RTN4RL1: variants seen among roughly 807,000 people sequenced by gnomAD.
RTN4RL1 encodes reticulon 4 receptor like 1, also known as reticulon-4 receptor-like 1.
In RTN4RL1, 7 loss-of-function variants were observed where a neutral mutation model predicts 25.6. That is an observed-to-expected ratio of 0.27 (90% confidence interval 0.16 to 0.51). The LOEUF (loss-of-function observed/expected upper bound fraction) is 0.51, where lower values mean the gene tolerates loss of function less well. Among genes scored for constraint, RTN4RL1 ranks in the 20% least tolerant of loss-of-function variants. The pLI, the probability that RTN4RL1 is intolerant of heterozygous loss-of-function variation, is 0.97. For missense variants in RTN4RL1, 500 were observed against 615.6 expected (o/e 0.81, Z 1.99); for synonymous variants, 297 against 288.2 (o/e 1.03, Z -0.31).
At chr17:1,972,828 T>C (rs1310079462) in intron 1 of RTN4RL1, among the ~76,000 whole-genome samples, 1 of 152,208 alleles carries the variant, frequency 6.6e-6, no homozygotes, top group Non-Finnish European at 1.5e-5. Flanking sequence ...TGTTGTTTCC[T>C]GAATCCTCAA....
intron 1 of RTN4RL1, among the ~76,000 whole-genome samples, chr17:1,944,401 C>T (rs1232727788): frequency 6.6e-6 from 1 of 152,190 alleles, no homozygotes; most frequent in African/African-American, 2.4e-5. Flanking sequence ...CTCCTCCACT[C>T]GCATATAATC....
At chr17:1,962,515 C>T (rs2066769414) in intron 1 of RTN4RL1, among the ~76,000 whole-genome samples, 1 of 151,892 alleles carries the variant, frequency 6.6e-6, no homozygotes, top group Non-Finnish European at 1.5e-5. Flanking sequence ...CTCGCCATCA[C>T]GCCTGGTGTA....
chr17:1,976,304 G>T lies in RTN4RL1; in HGVS notation c.14-38496C>A, dbSNP rs548002604. ...AGAAGGTCAAGGTTCCAGAGACCAG[G>T]CTCCTCTCTGAAGAGGTGTCGGCCC... On this transcript the variant is annotated intron_variant, in intron 1 of 1. Coordinates refer to ENST00000331238, the MANE Select transcript of RTN4RL1 (RefSeq NM_178568.4). 9.8e-5 allele frequency among the ~76,000 whole-genome samples: 15 copies of T among 152,366 alleles called. No homozygotes were observed. In the East Asian group the frequency reaches 2.5e-3, roughly 25 times the overall value.
At chr17:1,942,036 C>A (rs370160545) in intron 1 of RTN4RL1, among the ~76,000 whole-genome samples, 2 of 152,166 alleles carry the variant, frequency 1.3e-5, no homozygotes, top group African/African-American at 2.4e-5. Context: ...AGACTCTCTC[C>A]GGAGGAGCCC....
At chr17:2,021,535 TA>T (rs1024680216) in intron 1 of RTN4RL1, among the ~76,000 whole-genome samples, 8 of 149,230 alleles carry the variant, frequency 5.4e-5, no homozygotes, top group African/African-American at 9.8e-5. Flanking sequence ...AAGAACTATT[TA>T]AACACATCCT....
intron 1 of RTN4RL1, among the ~76,000 whole-genome samples, chr17:1,966,305 G>A (rs2066791112): frequency 6.6e-6 from 1 of 152,214 alleles, no homozygotes; most frequent in Non-Finnish European, 1.5e-5. Flanking sequence ...GCTGTTACCT[G>A]GGGAGGCCCT....
intron 1 of RTN4RL1, among the ~76,000 whole-genome samples, chr17:1,991,359 G>C (rs2066907553): frequency 6.7e-6 from 1 of 149,206 alleles, no homozygotes; most frequent in South Asian, 2.1e-4. Context: ...AAGGTGGACT[G>C]AGAAGCCAGA....
At chr17:1,980,175 C>T (rs1378809947) in intron 1 of RTN4RL1, among the ~76,000 whole-genome samples, 1 of 148,878 alleles carries the variant, frequency 6.7e-6, no homozygotes, top group Non-Finnish European at 1.5e-5. Flanking sequence ...GTGATCCTCC[C>T]ACCTCAGCCT....
intron 1 of RTN4RL1, among the ~76,000 whole-genome samples, chr17:1,958,269 G>T (rs1308414242): frequency 4.6e-5 from 7 of 152,280 alleles, no homozygotes; most frequent in African/African-American, 1.7e-4. Flanking sequence ...AGATTGCCGT[G>T]GCATCCGACC....
chr17:1,986,979 T>C (rs2066890115), intron 1 of RTN4RL1, among the ~76,000 whole-genome samples: 1 of 152,046 alleles, frequency 6.6e-6, no homozygotes, highest in Non-Finnish European at 1.5e-5. Context: ...ATGAGGGGGC[T>C]GGACAAGATA....
At chr17:1,975,995 CAA>C (rs1193424418) in intron 1 of RTN4RL1, among the ~76,000 whole-genome samples, 1 of 152,200 alleles carries the variant, frequency 6.6e-6, no homozygotes, top group Non-Finnish European at 1.5e-5. Flanking sequence ...GTCTTTAAGG[CAA>C]TTTTCTTGAA....
intron 1 of RTN4RL1, among the ~76,000 whole-genome samples, chr17:2,000,445 C>T (rs561975209): frequency 2.0e-5 from 3 of 152,158 alleles, no homozygotes; most frequent in East Asian, 3.9e-4. Context: ...TGGGTTCTAG[C>T]GATTCTCAAG....
intron 1 of RTN4RL1, among the ~76,000 whole-genome samples, chr17:1,971,231 T>C (rs992924565): frequency 2.6e-5 from 4 of 152,162 alleles, no homozygotes; most frequent in Non-Finnish European, 4.4e-5. Flanking sequence ...TTATACGTGT[T>C]TGACAGTTCC....
chr17:1,999,169 C>T (rs1290991407), intron 1 of RTN4RL1, among the ~76,000 whole-genome samples: 6 of 148,166 alleles, frequency 4.0e-5, no homozygotes, highest in Non-Finnish European at 7.4e-5. Context: ...ACACACCGGC[C>T]GGGCGCGGTG....
intron 1 of RTN4RL1, among the ~76,000 whole-genome samples, chr17:2,010,533 C>CA (rs994468506): frequency 7.9e-5 from 12 of 151,028 alleles, no homozygotes; most frequent in Admixed American, 4.0e-4. Flanking sequence ...ATGTAAGCTC[C>CA]AAAAAAAACA....
At chr17:1,992,816 CGT>C (rs1414244627) in intron 1 of RTN4RL1, among the ~76,000 whole-genome samples, 1 of 152,230 alleles carries the variant, frequency 6.6e-6, no homozygotes, top group Non-Finnish European at 1.5e-5. Flanking sequence ...TCGTCGCCCA[CGT>C]GTGTCCTACG....
intron 1 of RTN4RL1, among the ~76,000 whole-genome samples, chr17:1,972,469 C>T (rs371123658): frequency 1.2e-4 from 18 of 152,166 alleles, no homozygotes; most frequent in Admixed American, 5.2e-4. Flanking sequence ...GATTTCTGGC[C>T]GCTCTCAGGC....
chr17:2,009,238 T>TC (rs1471774641), intron 1 of RTN4RL1, among the ~76,000 whole-genome samples: 3 of 152,064 alleles, frequency 2.0e-5, no homozygotes, highest in Non-Finnish European at 4.4e-5. Flanking sequence ...GGCAGGTGGA[T>TC]CACCTGAGGT....
At chr17:1,954,906 GTAACT>G (rs1404951762) in intron 1 of RTN4RL1, among the ~76,000 whole-genome samples, 1 of 152,202 alleles carries the variant, frequency 6.6e-6, no homozygotes, top group African/African-American at 2.4e-5. Flanking sequence ...CCCAGGGTAG[GTAACT>G]TATGCTTACA....
Sources: gnomAD v4.1 joint callset for allele counts (sites outside exome capture counted in the v4.1 genomes callset) on GRCh38, gnomAD v4.1.1 for gene constraint, MANE v1.5 for transcripts, NCBI Gene and HGNC (gene_info 2026-07-23, HGNC 2026-07-21) for gene names.